The following GPC5 variants were observed in gnomAD, a reference collection of about 807,000 sequenced individuals.
GPC5 encodes the protein glypican 5, also known as glypican-5.
A neutral mutation model predicts 53.9 loss-of-function variants in GPC5; 47 were observed. That is an observed-to-expected ratio of 0.87 (90% confidence interval 0.69 to 1.11). The LOEUF (loss-of-function observed/expected upper bound fraction) is 1.11, where lower values mean the gene tolerates loss of function less well. Ranked by LOEUF, GPC5 falls within the 50% of genes most tolerant of loss-of-function variation. The pLI is 0.00. For missense variants in GPC5, 748 were observed against 713.1 expected (o/e 1.05, Z -0.56); for synonymous variants, 286 against 263.3 (o/e 1.09, Z -0.84).
At chr13:92,640,036 T>G (rs1213426342) in intron 7 of GPC5, among the ~76,000 whole-genome samples, 3 of 151,674 alleles carry the variant, frequency 2.0e-5, no homozygotes, top group Non-Finnish European at 4.4e-5. Flanking sequence ...CTGGCTGAAA[T>G]TGGCACCTAA....
chr13:92,259,786 A>G (rs2042752341), intron 7 of GPC5, among the ~76,000 whole-genome samples: 1 of 152,162 alleles, frequency 6.6e-6, no homozygotes, highest in South Asian at 2.1e-4. Flanking sequence ...TGGGCAAAGC[A>G]TTCTTCACTA....
At chr13:92,783,627 T>A (rs879377813) in intron 7 of GPC5, among the ~76,000 whole-genome samples, 2 of 152,170 alleles carry the variant, frequency 1.3e-5, no homozygotes, top group African/African-American at 2.4e-5. Flanking sequence ...AATCCATTAG[T>A]TTCCCTGATA....
chr13:92,796,802 C>T (rs994508091), intron 7 of GPC5, among the ~76,000 whole-genome samples: 1 of 151,860 alleles, frequency 6.6e-6, no homozygotes, highest in Non-Finnish European at 1.5e-5. Flanking sequence ...TCCACTACAA[C>T]GTATTTTAAA....
intron 3 of GPC5, among the ~76,000 whole-genome samples, chr13:91,704,500 G>A (rs2036057286): frequency 6.6e-6 from 1 of 152,184 alleles, no homozygotes; most frequent in South Asian, 2.1e-4. Context: ...ATTACATACA[G>A]CATCATGGCA....
intron 7 of GPC5, among the ~76,000 whole-genome samples, chr13:92,387,607 CAG>C (rs1320020405): frequency 1.3e-5 from 2 of 152,110 alleles, no homozygotes; most frequent in East Asian, 1.9e-4. Flanking sequence ...TTATTGTATA[CAG>C]AGTTACCTGT....
chr13:92,138,552 AAAAAT>A (rs986306421), intron 6 of GPC5, among the ~76,000 whole-genome samples: 1 of 151,728 alleles, frequency 6.6e-6, no homozygotes, highest in Middle Eastern at 3.2e-3. Flanking sequence ...AAAAAAAAAT[AAAAAT>A]AAAAATAAAA....
At chr13:91,449,201 C>A (rs1435848383) in intron 2 of GPC5, among the ~76,000 whole-genome samples, 1 of 152,072 alleles carries the variant, frequency 6.6e-6, no homozygotes, top group Non-Finnish European at 1.5e-5. Flanking sequence ...GGTCTGCCAA[C>A]ATTCTGACTC....
At chr13:92,792,201 C>A (rs1165244288) in intron 7 of GPC5, among the ~76,000 whole-genome samples, 2 of 152,116 alleles carry the variant, frequency 1.3e-5, no homozygotes, top group Non-Finnish European at 2.9e-5. Flanking sequence ...GTCAGACTAA[C>A]AGCAGATCTC....
intron 2 of GPC5, among the ~76,000 whole-genome samples, chr13:91,531,258 G>A (rs1886328628): frequency 6.6e-6 from 1 of 152,108 alleles, no homozygotes; most frequent in Non-Finnish European, 1.5e-5. Flanking sequence ...TACAGATAGT[G>A]GTCCATTGTT....
At chr13:91,968,007 C>G (rs1420505362) in intron 6 of GPC5, among the ~76,000 whole-genome samples, 1 of 151,746 alleles carries the variant, frequency 6.6e-6, no homozygotes, top group Admixed American at 6.6e-5. Flanking sequence ...TCTTTGGGAC[C>G]ATTATACTTT....
chr13:91,625,836 T>C (rs1317609155), intron 2 of GPC5, among the ~76,000 whole-genome samples: 2 of 152,102 alleles, frequency 1.3e-5, no homozygotes, highest in Non-Finnish European at 2.9e-5. Context: ...AACATATTGA[T>C]CAGTTCAGAA....
intron 7 of GPC5, among the ~76,000 whole-genome samples, chr13:92,216,469 G>A (rs2042410947): frequency 6.6e-6 from 1 of 152,174 alleles, no homozygotes; most frequent in Non-Finnish European, 1.5e-5. Flanking sequence ...AGTCAGATCA[G>A]GGGTCTGATG....
chr13:91,462,461 T>A (rs1388339560), intron 2 of GPC5, among the ~76,000 whole-genome samples: 1 of 152,166 alleles, frequency 6.6e-6, no homozygotes. Flanking sequence ...AAATTTAAGA[T>A]GTCACTGAAT....
intron 7 of GPC5, among the ~76,000 whole-genome samples, chr13:92,758,483 A>T (rs1467116571): frequency 6.6e-6 from 1 of 152,070 alleles, no homozygotes; most frequent in East Asian, 1.9e-4. Context: ...AATAATAATA[A>T]AAAAAAGAAT....
chr13:92,553,869 G>T (rs1882404494), intron 7 of GPC5, among the ~76,000 whole-genome samples: 1 of 151,870 alleles, frequency 6.6e-6, no homozygotes. Flanking sequence ...TTTGCCCAAT[G>T]TATCTCATAA....
At chr13:92,515,204 C>T (rs1880724581) in intron 7 of GPC5, among the ~76,000 whole-genome samples, 1 of 152,092 alleles carries the variant, frequency 6.6e-6, no homozygotes, top group African/African-American at 2.4e-5. Context: ...GTGTCAGGCA[C>T]CACTAAGCTT....
intron 7 of GPC5, among the ~76,000 whole-genome samples, chr13:92,460,165 T>C (rs61038575): frequency 0.2 from 31,005 of 152,078 alleles, 3,261 homozygotes; most frequent in South Asian, 0.23. Context: ...TACAATAAAA[T>C]TCTTACCTAT....
Position 91,693,407 on chromosome 13 carries a change from T to C in GPC5, c.546T>C (p.Gly182=). ...TCTACAACCACCTCATTAACCCTGG[T>C]GTGACTGACAGTTCCCTGGAATACT... ...PLVYNHLINP[G]VTDSSLEYSE... Residue 182 remains glycine, a synonymous_variant, in exon 3 of 8, where the codon GGT becomes GGC. Coordinates refer to ENST00000377067, the MANE Select transcript of GPC5 (RefSeq NM_004466.6). 6.2e-7 allele frequency: 1 copy of C among 1,614,160 alleles called. No homozygotes were observed. Among genetic ancestry groups the C allele is most frequent in the Non-Finnish European group, 8.5e-7 (1 of 1,180,014 alleles).
chr13:92,106,748 G>A (rs966547190), intron 6 of GPC5, among the ~76,000 whole-genome samples: 6 of 151,944 alleles, frequency 3.9e-5, no homozygotes, highest in African/African-American at 1.2e-4. Context: ...GCTTCCATTC[G>A]CTCTATGGAT....
Sources: gnomAD v4.1 joint callset for allele counts (sites outside exome capture counted in the v4.1 genomes callset) on GRCh38, gnomAD v4.1.1 for gene constraint, MANE v1.5 for transcripts, NCBI Gene and HGNC (gene_info 2026-07-23, HGNC 2026-07-21) for gene names.